The following HIVEP3 variants were observed in gnomAD, a reference collection of about 807,000 sequenced individuals.
HIVEP3 encodes the protein HIVEP zinc finger 3.
A neutral mutation model predicts 152.8 loss-of-function variants in HIVEP3; 49 were observed. The ratio of observed to expected loss-of-function variants is 0.32; its 90% CI spans 0.26 to 0.41. The LOEUF (loss-of-function observed/expected upper bound fraction) is 0.41. Ranked by LOEUF, HIVEP3 falls within the 10% of genes least tolerant of loss-of-function variation. HIVEP3 has a pLI of 1.00. For missense variants in HIVEP3, 2,790 were observed against 3,103.3 expected, an observed-to-expected ratio of 0.90 and a Z score of 2.40; for synonymous variants, 1,269 against 1,289.0, an observed-to-expected ratio of 0.98 and a Z score of 0.33.
At chr1:41,761,762 G>T (rs142586546) in intron 1 of HIVEP3, among the ~76,000 whole-genome samples, 3 of 152,362 alleles carry the variant, frequency 2.0e-5, no homozygotes, top group Non-Finnish European at 4.4e-5. Context: ...GGGTGTATAT[G>T]TGTAGGCACA....
chr1:41,541,830 G>C (rs2149069529), intron 5 of HIVEP3, among the ~76,000 whole-genome samples: 1 of 152,250 alleles, frequency 6.6e-6, no homozygotes, highest in South Asian at 2.1e-4. Context: ...TGGGTAACTG[G>C]GCACAATTCC....
intron 5 of HIVEP3, among the ~76,000 whole-genome samples, chr1:41,555,717 C>CGA (rs1170533024): frequency 2.0e-5 from 3 of 152,222 alleles, no homozygotes; most frequent in African/African-American, 7.2e-5. Context: ...TCCAGCTCCA[C>CGA]GACTGTCCAG....
chr1:41,859,272 T>C (rs569398315), intron 1 of HIVEP3, among the ~76,000 whole-genome samples: 1 of 152,298 alleles, frequency 6.6e-6, no homozygotes, highest in East Asian at 1.9e-4. Flanking sequence ...GCCCAGCCTA[T>C]AGAAAGAACT....
rs766219109 is a variant in HIVEP3, at chr1:41,580,186, A to T, written c.4612T>A (p.Ser1538Thr). The change falls in exon 4 of 9, where the codon TCT (serine) becomes ACT (threonine). Residue 1538 changes from serine to threonine, a missense_variant. This residue lies in a region of HIVEP3 where 1,078 missense variants were observed against 1,165.3 expected (regional missense o/e 0.93). Coordinates refer to ENST00000372583, the MANE Select transcript of HIVEP3 (RefSeq NM_024503.5). ...SEALKEYPQP[S>T]GKPHRRGLTP... The stretch of plus-strand genomic sequence containing the variant: ...AACCCTCTTCGGTGAGGTTTGCCAG[A>T]TGGCTGGGGATATTCCTTCAAAGCT... The T allele has an allele frequency of 6.2e-7, 1 of 1,612,248 alleles. No homozygotes were observed. The highest frequency in any genetic ancestry group is 8.5e-7 in the Non-Finnish European group (1 of 1,178,924).
intron 1 of HIVEP3, among the ~76,000 whole-genome samples, chr1:41,810,231 C>T (rs1650871777): frequency 6.6e-6 from 1 of 152,200 alleles, no homozygotes; most frequent in African/African-American, 2.4e-5. Flanking sequence ...TGAAGCTTGT[C>T]CCAGTTTTTC....
At position 41,826,104 on chromosome 1, in the gene HIVEP3, A is replaced by G. The variant is rs932335417; in HGVS notation, c.-801+92309T>C. Among the ~76,000 whole-genome samples the G allele has an allele frequency of 5.3e-5, 8 of 152,310 alleles. No individual in the cohort carries two copies. In the East Asian group the frequency reaches 1.4e-3, roughly 26 times the overall value. On this transcript the variant is annotated intron_variant, in intron 1 of 8. Transcript: ENST00000372583. The stretch of plus-strand genomic sequence containing the variant: ...CACTGTTACTCCCTTGCTCTGACAT[A>G]GGACTATTTGCAGTCTCCTCTCTCA...
At chr1:42,021,145 T>C (rs6686471) in intron 1 of HIVEP3, among the ~76,000 whole-genome samples, 27,406 of 152,092 alleles carry the variant, frequency 0.18, 2,543 homozygotes, top group Admixed American at 0.27. Context: ...TTCTAACGAA[T>C]GTGTGTAGAA....
At chr1:41,884,020 C>T (rs1240705947) in intron 1 of HIVEP3, among the ~76,000 whole-genome samples, 2 of 152,214 alleles carry the variant, frequency 1.3e-5, no homozygotes, top group Non-Finnish European at 2.9e-5. Context: ...TAGAGCAGTG[C>T]AGTGGCGAAA....
chr1:41,840,196 C>T (rs536782745), intron 1 of HIVEP3, among the ~76,000 whole-genome samples: 1 of 152,318 alleles, frequency 6.6e-6, no homozygotes, highest in African/African-American at 2.4e-5. Context: ...CCAACGTTCA[C>T]ATCCACCCAG....
intron 7 of HIVEP3, among the ~76,000 whole-genome samples, chr1:41,517,592 T>G (rs1642645471): frequency 6.6e-6 from 1 of 152,220 alleles, no homozygotes; most frequent in South Asian, 2.1e-4. Context: ...GTCCTGGGGC[T>G]GATTTCAGGG....
chr1:41,519,348 G>T (rs1200743469), intron 6 of HIVEP3, among the ~76,000 whole-genome samples: 1 of 152,224 alleles, frequency 6.6e-6, no homozygotes, highest in Non-Finnish European at 1.5e-5. Flanking sequence ...TCAGGGAACA[G>T]TAGCAACAGC....
At chr1:41,640,009 AAAG>A (rs1645348084) in intron 2 of HIVEP3, among the ~76,000 whole-genome samples, 1 of 152,210 alleles carries the variant, frequency 6.6e-6, no homozygotes. Flanking sequence ...AAGGAGCAAA[AAAG>A]AAGAACTTCA....
chr1:41,652,533 G>T (rs1453542531), intron 2 of HIVEP3, among the ~76,000 whole-genome samples: 1 of 152,164 alleles, frequency 6.6e-6, no homozygotes, highest in Non-Finnish European at 1.5e-5. Flanking sequence ...GCCCAGGATG[G>T]CAAGAGTTTT....
At chr1:41,532,438 C>A (rs1437595360) in intron 5 of HIVEP3, among the ~76,000 whole-genome samples, 1 of 152,056 alleles carries the variant, frequency 6.6e-6, no homozygotes, top group Non-Finnish European at 1.5e-5. Context: ...GAAAGGCAGG[C>A]TGGATCACCA....
intron 5 of HIVEP3, among the ~76,000 whole-genome samples, chr1:41,539,553 A>G (rs1178980587): frequency 6.6e-6 from 1 of 151,746 alleles, no homozygotes; most frequent in Non-Finnish European, 1.5e-5. Context: ...TTCCAGCCTC[A>G]CTCCCTTATG....
intron 1 of HIVEP3, among the ~76,000 whole-genome samples, chr1:41,868,638 C>T (rs958521636): frequency 3.3e-5 from 5 of 152,206 alleles, no homozygotes; most frequent in Non-Finnish European, 7.3e-5. Context: ...TTAGAGCACA[C>T]CTGTGCGTGG....
intron 1 of HIVEP3, among the ~76,000 whole-genome samples, chr1:41,917,167 G>A (rs186577550): frequency 4.5e-4 from 69 of 152,266 alleles, no homozygotes; most frequent in Middle Eastern, 6.8e-3. Context: ...TCTTCAGTCT[G>A]GGGGAGAGCC....
intron 1 of HIVEP3, among the ~76,000 whole-genome samples, chr1:41,849,646 G>A (rs1181092579): frequency 6.6e-6 from 1 of 151,722 alleles, no homozygotes; most frequent in Non-Finnish European, 1.5e-5. Flanking sequence ...TACTTGCTGT[G>A]ACCATGACAG....
At chr1:41,948,280 T>C (rs934012808) in intron 1 of HIVEP3, among the ~76,000 whole-genome samples, 8 of 152,194 alleles carry the variant, frequency 5.3e-5, no homozygotes, top group African/African-American at 1.4e-4. Context: ...ACTCGGGCAC[T>C]AGAATTAGGA....
Sources: gnomAD v4.1 joint callset for allele counts (sites outside exome capture counted in the v4.1 genomes callset) on GRCh38, gnomAD v4.1.1 for gene constraint, gnomAD v4.1.1 regional missense constraint, MANE v1.5 for transcripts, NCBI Gene and HGNC (gene_info 2026-07-23, HGNC 2026-07-21) for gene names.